The following KCTD20 variants were observed in gnomAD, a reference collection of about 807,000 sequenced individuals.
KCTD20 encodes BTB/POZ domain-containing protein KCTD20.
Under a neutral mutation model 39.6 loss-of-function variants are expected in KCTD20, and 30 were observed. The observed-to-expected ratio is 0.76, with a 90% confidence interval of 0.57 to 1.03. KCTD20 has a LOEUF of 1.03. Ranked by LOEUF, KCTD20 falls within the 50% of genes least tolerant of loss-of-function variation. KCTD20 has a pLI of 0.00. For missense variants in KCTD20, 422 were observed against 522.0 expected, an observed-to-expected ratio of 0.81 and a Z score of 1.87; for synonymous variants, 162 against 180.6, an observed-to-expected ratio of 0.90 and a Z score of 0.83.
chr6:36,465,292 G>A (rs540825129), intron 1 of KCTD20, among the ~76,000 whole-genome samples: 82 of 118,304 alleles, frequency 6.9e-4, no homozygotes, highest in African/African-American at 2.2e-3. Flanking sequence ...GTGAGATTCC[G>A]TCTCAAAAAA....
In KCTD20 at chr6:36,470,257, G is replaced by A; in HGVS notation, c.160G>A (p.Asp54Asn). Residue 54 changes from aspartate (D) to asparagine (N), a missense_variant and splice_region_variant, in exon 2 of 8, where the codon GAC becomes AAC. By Grantham distance (23) the Asp-to-Asn change is conservative. Transcript: ENST00000373731. ...TTATCCTCTAGGTCCCAGGAATGAAGGTACAGTGATTAACTCTTGACTTAA... is the reference window on the plus strand; with the variant it reads ...TTATCCTCTAGGTCCCAGGAATGAAAGTACAGTGATTAACTCTTGACTTAA... ...LTYPLGPRNE[D>N]LSLDYASQPA... The A allele has an allele frequency of 1.2e-6, 2 of 1,605,896 alleles. No homozygotes were observed. Among genetic ancestry groups the A allele is most frequent in the Admixed American group, 1.7e-5 (1 of 59,486 alleles).
intron 1 of KCTD20, among the ~76,000 whole-genome samples, chr6:36,463,268 T>C (rs765297326): frequency 6.6e-6 from 1 of 152,200 alleles, no homozygotes; most frequent in Non-Finnish European, 1.5e-5. Context: ...TATTAATAGC[T>C]ACACAGTGGA....
At chr6:36,452,354 T>C (rs1775281172) in intron 1 of KCTD20, among the ~76,000 whole-genome samples, 2 of 152,196 alleles carry the variant, frequency 1.3e-5, no homozygotes, top group Non-Finnish European at 2.9e-5. Flanking sequence ...TTACTAGATA[T>C]AGGACTTTGC....
chr6:36,455,123 T>C (rs929640214), intron 1 of KCTD20, among the ~76,000 whole-genome samples: 3 of 151,850 alleles, frequency 2.0e-5, no homozygotes, highest in Non-Finnish European at 2.9e-5. Context: ...TTCTCAACTT[T>C]TGGGCCAGGC....
intron 1 of KCTD20, chr6:36,465,611 T>A (rs1775728026): frequency 6.6e-6 from 1 of 152,110 alleles, no homozygotes. Flanking sequence ...GTGCAAGGAA[T>A]ATGTAGAGAT....
intron 3 of KCTD20, among the ~76,000 whole-genome samples, chr6:36,477,719 T>A (rs530871304): frequency 6.7e-6 from 1 of 150,244 alleles, no homozygotes; most frequent in South Asian, 2.1e-4. Context: ...TCTCCTGACC[T>A]CATGATCCGC....
chr6:36,475,699 C>A (rs1210628583), intron 3 of KCTD20, among the ~76,000 whole-genome samples: 1 of 151,794 alleles, frequency 6.6e-6, no homozygotes, highest in Non-Finnish European at 1.5e-5. Flanking sequence ...CAGAGTTTCA[C>A]AGGTCAAAGA....
chr6:36,444,087 A>T (rs965992379), intron 1 of KCTD20, among the ~76,000 whole-genome samples: 1 of 152,154 alleles, frequency 6.6e-6, no homozygotes, highest in Non-Finnish European at 1.5e-5. Flanking sequence ...GAAACAGAAG[A>T]TTGTTCCTTA....
At position 36,445,261 on chromosome 6, in the gene KCTD20, C is replaced by CAAAA. The variant is rs34039126; in HGVS notation, c.-47+2168_-47+2171dup. 8.2e-4 allele frequency among the ~76,000 whole-genome samples: 65 copies of CAAAA among 79,680 alleles called. 1 individual carries two copies. Among genetic ancestry groups the CAAAA allele is most frequent in the Non-Finnish European group, 1.3e-3 (52 of 38,618 alleles). 52.3% of individuals were successfully genotyped at this position (79,680 alleles called of 152,430 possible). ...TGGGCAACAGAGTGAGACTCCGTCT[C>CAAAA]AAAAAAAAAAAAAAAAAAAAATCTG... On this transcript the variant is annotated intron_variant, in intron 1 of 7. Coordinates refer to ENST00000373731, the MANE Select transcript of KCTD20 (RefSeq NM_173562.5).
intron 5 of KCTD20, among the ~76,000 whole-genome samples, chr6:36,480,256 C>G (rs961033542): frequency 2.0e-5 from 3 of 152,122 alleles, no homozygotes; most frequent in Non-Finnish European, 4.4e-5. Context: ...TAAATGGAGC[C>G]TGACCAGTGG....
At chr6:36,449,443 C>T (rs1386107685) in intron 1 of KCTD20, among the ~76,000 whole-genome samples, 2 of 151,806 alleles carry the variant, frequency 1.3e-5, no homozygotes, top group African/African-American at 2.4e-5. Flanking sequence ...CTGATTGGTG[C>T]GTTTACAATC....
rs192113611 is a variant in KCTD20, at chr6:36,490,093, A to G, written c.*2918A>G. On this transcript the variant is annotated 3_prime_UTR_variant, in exon 8 of 8. Coordinates refer to ENST00000373731, the MANE Select transcript of KCTD20 (RefSeq NM_173562.5). ...AGGTCTATGAAAATACTGTGGAATA[A>G]GCCCAGGAAGGTTAGATGTGTTTGC... The G allele has an allele frequency of 6.6e-6, 1 of 152,362 alleles. No individual in the cohort carries two copies. Among genetic ancestry groups the G allele is most frequent in the East Asian group, 1.9e-4 (1 of 5,188 alleles). The allele number at this position is 152,362 out of a possible 1,614,324, so 9.4% of individuals were successfully genotyped here.
intron 6 of KCTD20, among the ~76,000 whole-genome samples, chr6:36,483,196 A>G (rs1475760759): frequency 1.3e-5 from 2 of 150,354 alleles, no homozygotes; most frequent in Admixed American, 6.6e-5. Context: ...ATTTGTACCA[A>G]TTTACACTCA....
At chr6:36,448,472 T>C (rs543546492) in intron 1 of KCTD20, among the ~76,000 whole-genome samples, 2 of 152,346 alleles carry the variant, frequency 1.3e-5, no homozygotes, top group East Asian at 3.9e-4. Flanking sequence ...TGTGTTTGTC[T>C]CAAATCTCTT....
At chr6:36,459,271 ACTG>A (rs1775532193) in intron 1 of KCTD20, among the ~76,000 whole-genome samples, 1 of 152,188 alleles carries the variant, frequency 6.6e-6, no homozygotes, top group Non-Finnish European at 1.5e-5. Context: ...AGATCATGCC[ACTG>A]CACTCCAGCC....
At chr6:36,443,765 ACT>A (rs1774949162) in intron 1 of KCTD20, 1 of 151,296 alleles carries the variant, frequency 6.6e-6, no homozygotes, top group African/African-American at 2.4e-5. Context: ...CTATGAGAAA[ACT>A]CTTCTATTTT....
chr6:36,459,236 C>T (rs1042088725), intron 1 of KCTD20, among the ~76,000 whole-genome samples: 1 of 152,018 alleles, frequency 6.6e-6, no homozygotes, highest in Non-Finnish European at 1.5e-5. Flanking sequence ...CGCTTGAACT[C>T]GGAGGCAGAG....
intron 1 of KCTD20, among the ~76,000 whole-genome samples, chr6:36,447,575 A>G (rs982840137): frequency 6.6e-6 from 1 of 152,004 alleles, no homozygotes; most frequent in Non-Finnish European, 1.5e-5. Context: ...GATTTCAGTG[A>G]GCCAAGATCG....
Position 36,486,958 on chromosome 6 carries a change from GC to G in KCTD20, c.1047del (p.Phe350SerfsTer30), listed in dbSNP as rs763881885. The G allele has an allele frequency of 1.1e-5, 17 of 1,613,940 alleles. No homozygotes were observed. Among genetic ancestry groups the G allele is most frequent in the Non-Finnish European group, 1.0e-5 (12 of 1,179,936 alleles). On this transcript the variant is annotated frameshift_variant, in exon 8 of 8. Coordinates refer to ENST00000373731, the MANE Select transcript of KCTD20 (RefSeq NM_173562.5). LOFTEE classifies it high-confidence loss of function. ...RSEVIYNYVQ[R>X]PFIQMSWEKE... ...GAAGTCATCTATAATTATGTACAAC[GC>G]CCCTTCATCCAGATGTCATGGGAAA...
Sources: gnomAD v4.1 joint callset for allele counts (sites outside exome capture counted in the v4.1 genomes callset) on GRCh38, gnomAD v4.1.1 for gene constraint, MANE v1.5 for transcripts, NCBI Gene and HGNC (gene_info 2026-07-23, HGNC 2026-07-21) for gene names.